Variants in TMEM132D observed in about 807,000 individuals in gnomAD.
The protein encoded by TMEM132D is mature OL transmembrane protein.
In TMEM132D, 21 loss-of-function variants were observed where a neutral mutation model predicts 62.3. That is an observed-to-expected ratio of 0.34 (90% CI 0.24 to 0.49). TMEM132D has a LOEUF of 0.49. Ranked by LOEUF, TMEM132D falls within the 20% of genes least tolerant of loss-of-function variation. The pLI, the probability that TMEM132D is intolerant of heterozygous loss-of-function variation, is 0.99. For synonymous variants in TMEM132D, 621 were observed against 575.6 expected, an observed-to-expected ratio of 1.08 and a Z score of -1.13; for missense variants, 1,346 against 1,402.8, an observed-to-expected ratio of 0.96 and a Z score of 0.65.
At chr12:129,420,147 A>G (rs1872257306) in intron 3 of TMEM132D, among the ~76,000 whole-genome samples, 1 of 152,154 alleles carries the variant, frequency 6.6e-6, no homozygotes, top group South Asian at 2.1e-4. Flanking sequence ...TGCTGTGGGC[A>G]GTTGCTGGTG....
At chr12:129,169,979 T>C (rs1877675121) in intron 5 of TMEM132D, 1 of 152,210 alleles carries the variant, frequency 6.6e-6, no homozygotes, top group African/African-American at 2.4e-5. Flanking sequence ...TTCAACAAGA[T>C]CTATTTAGCA....
At chr12:129,312,504 T>C (rs1006793659) in intron 4 of TMEM132D, among the ~76,000 whole-genome samples, 9 of 152,248 alleles carry the variant, frequency 5.9e-5, no homozygotes, top group African/African-American at 2.2e-4. Flanking sequence ...TTTATTCATC[T>C]GAAAACATTT....
chr12:129,129,103 G>A (rs1440512041), intron 5 of TMEM132D, among the ~76,000 whole-genome samples: 1 of 152,122 alleles, frequency 6.6e-6, no homozygotes, highest in African/African-American at 2.4e-5. Flanking sequence ...ACTGAGCATG[G>A]TACCCAAAAG....
rs375124663 is a variant in TMEM132D, at chr12:129,209,699, T to A, written c.1300-36A>T. The stretch of plus-strand genomic sequence containing the variant: ...AAACACACCCTTCCATCACATCCCC[T>A]CCTGAGACGGCCCAGTCCCTGGGAG... On this transcript the variant is annotated intron_variant, in intron 4 of 8. Transcript: ENST00000422113. 4 of 1,611,250 alleles carry A rather than the reference T, an allele frequency of 2.5e-6. No homozygotes were observed. The African/African-American group carries it at 5.3e-5, about 22-fold the overall frequency.
At chr12:129,696,521 A>G (rs1409692132) in intron 2 of TMEM132D, among the ~76,000 whole-genome samples, 1 of 152,198 alleles carries the variant, frequency 6.6e-6, no homozygotes, top group Non-Finnish European at 1.5e-5. Context: ...TAGGTAACCA[A>G]GGGAATGCTA....
chr12:129,794,380 G>A (rs1871500510), intron 1 of TMEM132D, among the ~76,000 whole-genome samples: 2 of 151,288 alleles, frequency 1.3e-5, no homozygotes, highest in South Asian at 4.2e-4. Flanking sequence ...GGAATGACAG[G>A]AGTGAGCCAC....
intron 3 of TMEM132D, among the ~76,000 whole-genome samples, chr12:129,475,470 G>A (rs1005009150): frequency 6.6e-6 from 1 of 152,210 alleles, no homozygotes; most frequent in African/African-American, 2.4e-5. Flanking sequence ...AAGAAACAGA[G>A]ACAGAAAATA....
intron 5 of TMEM132D, among the ~76,000 whole-genome samples, chr12:129,151,017 G>T (rs1877054783): frequency 6.6e-6 from 1 of 152,154 alleles, no homozygotes; most frequent in African/African-American, 2.4e-5. Flanking sequence ...GAGGATCCCA[G>T]AAGCCCAGGG....
At chr12:129,235,200 T>C (rs1879745973) in intron 4 of TMEM132D, among the ~76,000 whole-genome samples, 1 of 152,228 alleles carries the variant, frequency 6.6e-6, no homozygotes, top group Non-Finnish European at 1.5e-5. Flanking sequence ...CCTTTATAAA[T>C]TGCAGTTCAG....
intron 5 of TMEM132D, among the ~76,000 whole-genome samples, chr12:129,172,978 C>T (rs1219530021): frequency 2.0e-5 from 3 of 152,142 alleles, no homozygotes; most frequent in African/African-American, 7.2e-5. Context: ...AGACACACAA[C>T]ATTTATTAAG....
chr12:129,481,194 G>GA (rs1457525809), intron 3 of TMEM132D, among the ~76,000 whole-genome samples: 2 of 151,914 alleles, frequency 1.3e-5, no homozygotes, highest in Non-Finnish European at 2.9e-5. Context: ...AGAAAAAAAA[G>GA]AAAAAATCTG....
chr12:129,165,703 G>A (rs1877526912), intron 5 of TMEM132D, among the ~76,000 whole-genome samples: 1 of 150,734 alleles, frequency 6.6e-6, no homozygotes. Context: ...CCCTACAAAA[G>A]AGATACTCTG....
intron 5 of TMEM132D, among the ~76,000 whole-genome samples, chr12:129,138,969 C>G (rs1194051141): frequency 6.6e-6 from 1 of 152,124 alleles, no homozygotes; most frequent in Non-Finnish European, 1.5e-5. Context: ...ACCTTGACAT[C>G]CTGACTTTCA....
intron 4 of TMEM132D, among the ~76,000 whole-genome samples, chr12:129,259,259 C>G (rs559113560): frequency 1.3e-5 from 2 of 152,154 alleles, no homozygotes; most frequent in Non-Finnish European, 2.9e-5. Context: ...AGTATCCATA[C>G]GGTGAGTGTT....
intron 3 of TMEM132D, among the ~76,000 whole-genome samples, chr12:129,411,618 G>A (rs1057105173): frequency 2.0e-5 from 3 of 152,124 alleles, no homozygotes; most frequent in Non-Finnish European, 4.4e-5. Context: ...GCCTCCCAAA[G>A]TATTGGGATT....
At chr12:129,636,366 C>T (rs975508580) in intron 2 of TMEM132D, among the ~76,000 whole-genome samples, 11 of 152,120 alleles carry the variant, frequency 7.2e-5, no homozygotes, top group Admixed American at 2.0e-4. Flanking sequence ...ATACTAGAGT[C>T]GGGTTAGAAT....
chr12:129,600,198 C>A (rs1565918220), intron 2 of TMEM132D, among the ~76,000 whole-genome samples: 1 of 152,228 alleles, frequency 6.6e-6, no homozygotes, highest in Non-Finnish European at 1.5e-5. Context: ...CACGTCCTCA[C>A]CAGGAGTAGA....
rs1483847974 is a variant in TMEM132D at position 129,589,312 on chromosome 12, G to A, written c.969-58107C>T. On this transcript the variant is annotated intron_variant, in intron 2 of 8. Coordinates refer to ENST00000422113, the MANE Select transcript of TMEM132D (RefSeq NM_133448.3). Reference sequence around the variant, plus strand: ...CGTTGTCTGCTACCATGTAAGACATGCCTTTCACCTCCTACCATGATTGTG... The same window carrying A: ...CGTTGTCTGCTACCATGTAAGACATACCTTTCACCTCCTACCATGATTGTG... Among the ~76,000 whole-genome samples the A allele has an allele frequency of 2.0e-5, 3 of 152,110 alleles. No individual in the cohort carries two copies. The East Asian group carries it at 5.8e-4, about 29-fold the overall frequency.
intron 1 of TMEM132D, among the ~76,000 whole-genome samples, chr12:129,825,645 G>C (rs865946399): frequency 6.6e-5 from 10 of 152,130 alleles, no homozygotes; most frequent in Middle Eastern, 3.2e-3. Flanking sequence ...GGTGGGTGGA[G>C]TCATCACTTT....
Sources: allele counts gnomAD v4.1 joint callset (sites outside exome capture counted in the v4.1 genomes callset), GRCh38; gene constraint gnomAD v4.1.1; transcripts MANE v1.5; gene names NCBI Gene and HGNC (gene_info 2026-07-23, HGNC 2026-07-21).